The following DOP1A variants were observed in gnomAD, a reference collection of about 807,000 sequenced individuals.
DOP1A encodes the protein protein DOP1A.
DOP1A carries 90 observed loss-of-function variants against 267.6 expected under a neutral mutation model. The ratio of observed to expected loss-of-function variants is 0.34; its 90% CI spans 0.28 to 0.40. The LOEUF is 0.40. Ranked by LOEUF, DOP1A falls within the 10% of genes least tolerant of loss-of-function variation. DOP1A has a pLI of 1.00. For synonymous variants in DOP1A, 932 were observed against 999.1 expected (o/e 0.93, Z 1.27); for missense variants, 2,437 against 2,900.4 (o/e 0.84, Z 3.67).
At chr6:83,117,119 T>TTTTTATTTTATTTTATTTTATTTTA (rs55825933) in intron 7 of DOP1A, among the ~76,000 whole-genome samples, 68 of 131,352 alleles carry the variant, frequency 5.2e-4, no homozygotes, top group East Asian at 1.6e-3. Flanking sequence ...TTTTAGTACT[T>TTTTTATTTTATTTTATTTTATTTTA]TTTTATTTTA....
intron 1 of DOP1A, among the ~76,000 whole-genome samples, chr6:83,082,939 CTG>C (rs1768396600): frequency 6.6e-6 from 1 of 151,942 alleles, no homozygotes; most frequent in Non-Finnish European, 1.5e-5. Context: ...TCCCAAGTAG[CTG>C]GGATTACAGG....
chr6:83,129,067 A>G lies in DOP1A; in HGVS notation c.1900A>G (p.Thr634Ala), dbSNP rs767037169. The stretch of plus-strand genomic sequence containing the variant: ...GGCAGCTGCCATCCCAATTGGTAGC[A>G]CATCCTCTGAGACAGAAACAGCATC... Reference protein sequence around the residue: ...QGAAAIPIGSTSSETETASTV... With the variant: ...QGAAAIPIGSASSETETASTV... The change falls in exon 16 of 39, where the codon ACA becomes GCA. Residue 634 changes from threonine (T) to alanine (A), a missense_variant. This residue lies in a region of DOP1A where 498 missense variants were observed against 513.5 expected (regional missense o/e 0.97). Coordinates refer to ENST00000349129, the MANE Select transcript of DOP1A (RefSeq NM_015018.4). The G allele has an allele frequency of 1.1e-5, 17 of 1,613,922 alleles. No individual in the cohort carries two copies. The highest frequency in any genetic ancestry group is 1.4e-5 in the Non-Finnish European group (16 of 1,179,946).
At chr6:83,081,467 C>G (rs537602873) in intron 1 of DOP1A, among the ~76,000 whole-genome samples, 1 of 152,246 alleles carries the variant, frequency 6.6e-6, no homozygotes, top group East Asian at 1.9e-4. Context: ...AGGACATTCT[C>G]TTCAGTAAAT....
chr6:83,124,639 T>A, intron 12 of DOP1A, 66 bp from the exon 13 acceptor site: 1 of 1,122,652 alleles, frequency 8.9e-7, no homozygotes, highest in Non-Finnish European at 1.3e-6. Context: ...AGAAGGATGA[T>A]GATGCTGTCA....
intron 30 of DOP1A, among the ~76,000 whole-genome samples, chr6:83,152,760 G>A (rs750451798): frequency 6.6e-6 from 1 of 151,892 alleles, no homozygotes. Flanking sequence ...TGAGACTACG[G>A]GTGTGTGCCA....
Position 83,137,982 on chromosome 6 carries a change from T to G in DOP1A, c.3940T>G (p.Ser1314Ala). The G allele has an allele frequency of 6.2e-7, 1 of 1,605,880 alleles. No individual in the cohort carries two copies. Among genetic ancestry groups the G allele is most frequent in the East Asian group, 2.2e-5 (1 of 44,816 alleles). ...RKKDDDKKKS[S>A]NEKLKQTSVF... ...AAAGGATGATGACAAGAAAAAATCT[T>G]CAAATGAAAAACTCAAACAAACCAG... Residue 1314 changes from serine (S) to alanine (A), a missense_variant, in exon 21 of 39, where the codon TCA becomes GCA. Transcript: ENST00000349129.
chr6:83,130,818 A>C (rs1777899601), intron 17 of DOP1A, among the ~76,000 whole-genome samples: 1 of 151,558 alleles, frequency 6.6e-6, no homozygotes, highest in Non-Finnish European at 1.5e-5. Context: ...GGCTCACTGC[A>C]ACTTCTGCCT....
intron 1 of DOP1A, among the ~76,000 whole-genome samples, chr6:83,075,876 CTA>C (rs1337937821): frequency 6.6e-6 from 1 of 152,130 alleles, no homozygotes; most frequent in East Asian, 1.9e-4. Context: ...AGACCTAAAA[CTA>C]TAAAGCTCCT....
At chr6:83,071,175 T>G (rs1785520007) in intron 1 of DOP1A, among the ~76,000 whole-genome samples, 1 of 152,190 alleles carries the variant, frequency 6.6e-6, no homozygotes, top group African/African-American at 2.4e-5. Context: ...ACTTTCTTCT[T>G]GATACAGTCA....
chr6:83,145,358 G>C (rs551670684), intron 24 of DOP1A, among the ~76,000 whole-genome samples, 166 bp from the exon 25 acceptor site: 26 of 138,726 alleles, frequency 1.9e-4, no homozygotes, highest in African/African-American at 6.5e-4. Flanking sequence ...AAGGCAGGAG[G>C]ATCATTTTGA....
chr6:83,140,181 T>C (rs374859809), intron 22 of DOP1A, 40 bp from the exon 23 acceptor site: 17 of 1,605,632 alleles, frequency 1.1e-5, no homozygotes, highest in Non-Finnish European at 1.4e-5. Context: ...TTTGTAAATC[T>C]CAGTAAGTAA....
chr6:83,108,754 G>A (rs2128170465), intron 4 of DOP1A, among the ~76,000 whole-genome samples, 156 bp from the exon 5 acceptor site: 1 of 152,298 alleles, frequency 6.6e-6, no homozygotes, highest in East Asian at 1.9e-4. Context: ...AACTGGTCTG[G>A]TTTAATGGAT....
At chr6:83,084,184 G>A (rs1041310259) in intron 1 of DOP1A, among the ~76,000 whole-genome samples, 2 of 152,250 alleles carry the variant, frequency 1.3e-5, no homozygotes, top group African/African-American at 2.4e-5. Flanking sequence ...CAGTGGTCCC[G>A]TAAGGTTTTA....
At chr6:83,105,576 G>C (rs1411710037) in intron 4 of DOP1A, among the ~76,000 whole-genome samples, 1 of 151,948 alleles carries the variant, frequency 6.6e-6, no homozygotes, top group Non-Finnish European at 1.5e-5. Context: ...TGTTGGCCAG[G>C]CTGGTCTCGA....
intron 18 of DOP1A, among the ~76,000 whole-genome samples, chr6:83,133,574 T>C (rs1241299180): frequency 6.6e-6 from 1 of 152,152 alleles, no homozygotes; most frequent in Non-Finnish European, 1.5e-5. Flanking sequence ...TTATACATGT[T>C]TATTATCTAA....
At chr6:83,153,158 T>G (rs1179547330) in intron 30 of DOP1A, among the ~76,000 whole-genome samples, 3 of 152,200 alleles carry the variant, frequency 2.0e-5, no homozygotes, top group Admixed American at 6.5e-5. Context: ...TTGTTTGTTT[T>G]TTTTTCCTAA....
At chr6:83,108,865 A>G (rs368302057) in intron 4 of DOP1A, 45 bp from the exon 5 acceptor site, 6 of 1,528,786 alleles carry the variant, frequency 3.9e-6, no homozygotes, top group Middle Eastern at 3.5e-4. Context: ...TTAATATTGT[A>G]TAGTTATTTT....
At chr6:83,083,722 C>T (rs1194432832) in intron 1 of DOP1A, among the ~76,000 whole-genome samples, 2 of 152,158 alleles carry the variant, frequency 1.3e-5, no homozygotes, top group East Asian at 1.9e-4. Context: ...GGCTACTATG[C>T]TTTGGAGACA....
At position 83,162,906 on chromosome 6, in the gene DOP1A, G is replaced by A. The variant is rs747562310; in HGVS notation, c.7079G>A (p.Arg2360Gln). 10 of 1,611,786 alleles carry A rather than the reference G, an allele frequency of 6.2e-6. No individual in the cohort carries two copies. Among genetic ancestry groups the A allele is most frequent in the East Asian group, 4.5e-5 (2 of 44,852 alleles). ...GTGGTACGACTAGCAAAACTTCTTC[G>A]GAAAAGAGCAAAGGTATCGCATTCT... ...PYVVRLAKLL[R>Q]KRAKKNPEED... The change falls in exon 38 of 39, where the codon CGG (arginine) becomes CAG (glutamine). Residue 2360 changes from arginine to glutamine, a missense_variant. Transcript: ENST00000349129.
Sources: allele counts gnomAD v4.1 joint callset (sites outside exome capture counted in the v4.1 genomes callset), GRCh38; gene constraint gnomAD v4.1.1; regional missense constraint gnomAD v4.1.1; transcripts MANE v1.5; gene names NCBI Gene and HGNC (gene_info 2026-07-23, HGNC 2026-07-21).